Variants in SLC44A3 observed in about 807,000 individuals in gnomAD.
SLC44A3 encodes choline transporter-like protein 3.
Under a neutral mutation model 75.4 loss-of-function variants are expected in SLC44A3, and 74 were observed. The ratio of observed to expected loss-of-function variants is 0.98; its 90% CI spans 0.81 to 1.19. SLC44A3 has a LOEUF of 1.19. Among genes scored for constraint, SLC44A3 ranks in the 50% most tolerant of loss-of-function variants. The pLI is 0.00. For synonymous variants in SLC44A3, 310 were observed against 296.9 expected (o/e 1.04, Z -0.45); for missense variants, 700 against 778.6 (o/e 0.90, Z 1.20).
At chr1:94,821,106 T>C in intron 2 of SLC44A3, 50 bp downstream of exon 2, 1 of 1,423,372 alleles carries the variant, frequency 7.0e-7, no homozygotes, top group South Asian at 1.3e-5. Context: ...TGTGCACGTC[T>C]GGAAATAACT....
At chr1:94,827,769 C>G in intron 4 of SLC44A3, 126 bp downstream of exon 4, 1 of 1,190,560 alleles carries the variant, frequency 8.4e-7, no homozygotes, top group South Asian at 1.6e-5. Context: ...TTGTGGGTGC[C>G]TCTTTTTGTG....
intron 5 of SLC44A3, among the ~76,000 whole-genome samples, chr1:94,831,106 C>T (rs1447058569): frequency 6.6e-6 from 1 of 152,170 alleles, no homozygotes; most frequent in Non-Finnish European, 1.5e-5. Context: ...CCTAGACTCA[C>T]ATCAAGCTGG....
chr1:94,868,574 C>G (rs191660286), intron 12 of SLC44A3, among the ~76,000 whole-genome samples: 8 of 152,076 alleles, frequency 5.3e-5, no homozygotes, highest in Admixed American at 1.3e-4. Flanking sequence ...CAGTCCAAAC[C>G]GTTTGAATAC....
rs570342557 is a variant in SLC44A3, at chr1:94,834,746, A to G, written c.510-2965A>G. Among the ~76,000 whole-genome samples, 44 of 152,276 alleles carry G rather than the reference A, an allele frequency of 2.9e-4. No homozygotes were observed. The South Asian group carries it at 8.1e-3, about 28-fold the overall frequency. On this transcript the variant is annotated intron_variant, in intron 5 of 14. Coordinates refer to ENST00000271227, the MANE Select transcript of SLC44A3 (RefSeq NM_001114106.3). ...GTGATCCACTCGCCTCGGCCTCCCAAAGTGCTAGGATTACAGGCATGAGCC... is the reference window on the plus strand; with the variant it reads ...GTGATCCACTCGCCTCGGCCTCCCAGAGTGCTAGGATTACAGGCATGAGCC...
intron 10 of SLC44A3, among the ~76,000 whole-genome samples, chr1:94,864,536 T>A (rs1057190806): frequency 6.6e-6 from 1 of 152,214 alleles, no homozygotes; most frequent in African/African-American, 2.4e-5. Context: ...TTTTCTGTTT[T>A]ATTTGTAGCA....
At chr1:94,822,647 G>A (rs929010753) in intron 2 of SLC44A3, among the ~76,000 whole-genome samples, 34 of 151,860 alleles carry the variant, frequency 2.2e-4, no homozygotes, top group Admixed American at 1.4e-3. Context: ...GCACCAGCCT[G>A]TGTTTATATT....
intron 12 of SLC44A3, among the ~76,000 whole-genome samples, chr1:94,885,967 A>G (rs1346262690): frequency 6.6e-6 from 1 of 152,204 alleles, no homozygotes; most frequent in East Asian, 1.9e-4. Flanking sequence ...GGCATTTGGG[A>G]TATATCACTA....
chr1:94,860,030 C>G (rs1666385633), intron 10 of SLC44A3, among the ~76,000 whole-genome samples: 1 of 152,178 alleles, frequency 6.6e-6, no homozygotes, highest in South Asian at 2.1e-4. Flanking sequence ...GAGCCTCACT[C>G]TTCAATTTGA....
intron 11 of SLC44A3, among the ~76,000 whole-genome samples, chr1:94,866,343 G>A (rs769650427): frequency 6.6e-6 from 1 of 152,078 alleles, no homozygotes; most frequent in African/African-American, 2.4e-5. Flanking sequence ...AAGGCCCAAG[G>A]TCTCTCTGAC....
intron 12 of SLC44A3, among the ~76,000 whole-genome samples, chr1:94,882,682 C>T (rs1303609316): frequency 6.6e-6 from 1 of 152,036 alleles, no homozygotes; most frequent in Non-Finnish European, 1.5e-5. Flanking sequence ...GAGTGCAGAG[C>T]TTTGCTGGCA....
At position 94,824,585 on chromosome 1, in the gene SLC44A3, C is replaced by G; in HGVS notation, c.228C>G (p.Asn76Lys). 6.2e-7 allele frequency: 1 copy of G among 1,611,276 alleles called. No individual in the cohort carries two copies. Among genetic ancestry groups the G allele is most frequent in the Non-Finnish European group, 8.5e-7 (1 of 1,179,226 alleles). ...DSFGNMCGKK[N>K]SPVEGAPLSG... ...TTGGCAACATGTGTGGCAAGAAGAA[C>G]TCCCCCGTGGAAGGGGCCCCTCTTT... Residue 76 changes from asparagine (N) to lysine (K), a missense_variant, in exon 3 of 15, where the codon AAC (asparagine) becomes AAG (lysine). By Grantham distance (94) the Asn-to-Lys change is moderately conservative. Transcript: ENST00000271227.
intron 10 of SLC44A3, among the ~76,000 whole-genome samples, chr1:94,861,764 A>G (rs545743548): frequency 1.4e-4 from 22 of 152,338 alleles, no homozygotes; most frequent in African/African-American, 4.8e-4. Context: ...AAGAGTTCAT[A>G]CAAATACCAT....
intron 4 of SLC44A3, 106 bp downstream of exon 4, chr1:94,827,749 T>A: frequency 7.2e-7 from 1 of 1,383,428 alleles, no homozygotes; most frequent in East Asian, 2.3e-5. Flanking sequence ...AAGCTGGAAG[T>A]TTTACTTCCT....
At chr1:94,847,814 G>A (rs916466743) in intron 9 of SLC44A3, among the ~76,000 whole-genome samples, 10 of 152,212 alleles carry the variant, frequency 6.6e-5, no homozygotes, top group South Asian at 2.1e-4. Context: ...GTCATGTGCC[G>A]GAGGTCATAC....
intron 12 of SLC44A3, among the ~76,000 whole-genome samples, chr1:94,881,865 A>AG (rs1669037397): frequency 6.9e-6 from 1 of 145,052 alleles, no homozygotes; most frequent in South Asian, 2.2e-4. Flanking sequence ...ACAAAAAAAA[A>AG]AAAAATTAGC....
At chr1:94,874,682 G>T (rs945407819) in intron 12 of SLC44A3, among the ~76,000 whole-genome samples, 4 of 152,152 alleles carry the variant, frequency 2.6e-5, no homozygotes, top group African/African-American at 9.7e-5. Context: ...CCACTCACTG[G>T]CACTTACTAT....
intron 12 of SLC44A3, among the ~76,000 whole-genome samples, chr1:94,880,397 G>C (rs1358572321): frequency 6.6e-6 from 1 of 152,106 alleles, no homozygotes; most frequent in Non-Finnish European, 1.5e-5. Context: ...CTACAACATA[G>C]ATGAACCCCA....
At chr1:94,840,671 A>C (rs1356712437) in intron 7 of SLC44A3, among the ~76,000 whole-genome samples, 1 of 152,142 alleles carries the variant, frequency 6.6e-6, no homozygotes, top group Non-Finnish European at 1.5e-5. Flanking sequence ...ATAACGTTAA[A>C]AGAGAATCCC....
intron 5 of SLC44A3, among the ~76,000 whole-genome samples, chr1:94,830,673 T>C (rs1198468995): frequency 6.6e-6 from 1 of 152,212 alleles, no homozygotes; most frequent in African/African-American, 2.4e-5. Context: ...GAAAATTCTC[T>C]AGCACTTGGA....
Sources: allele counts gnomAD v4.1 joint callset (sites outside exome capture counted in the v4.1 genomes callset), GRCh38; gene constraint gnomAD v4.1.1; transcripts MANE v1.5; gene names NCBI Gene and HGNC (gene_info 2026-07-23, HGNC 2026-07-21).